The following TSHZ2 variants were observed in gnomAD, a reference collection of about 807,000 sequenced individuals.
TSHZ2 encodes the protein teashirt zinc finger homeobox 2.
TSHZ2 carries 21 observed loss-of-function variants against 74.4 expected under a neutral mutation model. The ratio of observed to expected loss-of-function variants is 0.28; its 90% CI spans 0.20 to 0.41. TSHZ2 has a LOEUF of 0.41. TSHZ2 is among the 10% of genes least tolerant of loss of function. The pLI is 1.00. For synonymous variants in TSHZ2, 540 were observed against 515.3 expected (o/e 1.05, Z -0.65); for missense variants, 1,244 against 1,293.5 (o/e 0.96, Z 0.59).
intron 2 of TSHZ2, among the ~76,000 whole-genome samples, chr20:53,267,087 A>G (rs71356178): frequency 0.11 from 16,488 of 152,180 alleles, 982 homozygotes; most frequent in Middle Eastern, 0.13. Context: ...CTCGATGATG[A>G]TTATATAACC....
At chr20:52,984,228 G>T (rs1281933888) in intron 1 of TSHZ2, among the ~76,000 whole-genome samples, 5 of 152,126 alleles carry the variant, frequency 3.3e-5, no homozygotes, top group Non-Finnish European at 1.5e-5. Flanking sequence ...CGCTGGAACT[G>T]GAGCCTTGCA....
At chr20:53,453,434 A>G (rs772341301) in intron 2 of TSHZ2, among the ~76,000 whole-genome samples, 5 of 152,288 alleles carry the variant, frequency 3.3e-5, no homozygotes, top group South Asian at 2.1e-4. Flanking sequence ...AACAAATTAA[A>G]TGTTTACCTT....
intron 1 of TSHZ2, among the ~76,000 whole-genome samples, chr20:53,144,157 T>C (rs1987481246): frequency 6.6e-6 from 1 of 152,190 alleles, no homozygotes; most frequent in South Asian, 2.1e-4. Flanking sequence ...GGTTTTACAA[T>C]AGTGATGTTA....
chr20:53,401,205 G>A (rs1330337104), intron 2 of TSHZ2: 4 of 152,142 alleles, frequency 2.6e-5, no homozygotes, highest in African/African-American at 9.7e-5. Context: ...ACTGCCCTCA[G>A]GGACCTACAC....
intron 1 of TSHZ2, among the ~76,000 whole-genome samples, chr20:53,172,345 T>A (rs911264392): frequency 4.6e-5 from 7 of 152,254 alleles, no homozygotes; most frequent in Non-Finnish European, 7.3e-5. Flanking sequence ...CAAATCTTCT[T>A]CTAGCTCTTT....
chr20:53,480,610 G>A (rs952926417), intron 2 of TSHZ2, among the ~76,000 whole-genome samples: 4 of 151,910 alleles, frequency 2.6e-5, no homozygotes, highest in South Asian at 2.1e-4. Flanking sequence ...GGTGCAGGAT[G>A]ATGGACAACA....
intron 1 of TSHZ2, among the ~76,000 whole-genome samples, chr20:53,235,316 G>A (rs1233634371): frequency 6.6e-6 from 1 of 151,538 alleles, no homozygotes; most frequent in Non-Finnish European, 1.5e-5. Flanking sequence ...TACAGGCGTG[G>A]ACCACCATAC....
Position 53,369,797 on chromosome 20 carries a change from T to C in TSHZ2, c.*8+113226T>C, listed in dbSNP as rs147403748. 2.3e-3 allele frequency among the ~76,000 whole-genome samples: 354 copies of C among 151,964 alleles called. 2 individuals are homozygous for C. Among genetic ancestry groups the C allele is most frequent in the Middle Eastern group, 0.01 (3 of 294 alleles). ...GCCAGTGTGCAGAGATGAGGGAGAG[T>C]AGAAGAAAGGCAATGAGGTTTTCAA... is the stretch of plus-strand genomic sequence containing the variant. On this transcript the variant is annotated intron_variant, in intron 2 of 2. Coordinates refer to ENST00000371497, the MANE Select transcript of TSHZ2 (RefSeq NM_173485.6).
chr20:53,155,086 G>T (rs1987765087), intron 1 of TSHZ2, among the ~76,000 whole-genome samples: 1 of 141,542 alleles, frequency 7.1e-6, no homozygotes. Context: ...AGTTTTGTCA[G>T]GAACTACATA....
chr20:53,193,625 A>G (rs904576371), intron 1 of TSHZ2, among the ~76,000 whole-genome samples: 65 of 152,272 alleles, frequency 4.3e-4, no homozygotes, highest in African/African-American at 1.6e-3. Context: ...ACTTTTTTCA[A>G]TGGGTTGAAT....
intron 2 of TSHZ2, among the ~76,000 whole-genome samples, chr20:53,315,060 T>C (rs889301675): frequency 2.6e-4 from 39 of 152,252 alleles, no homozygotes; most frequent in African/African-American, 9.2e-4. Flanking sequence ...CTCAAGGAGA[T>C]TCAAAAAAAG....
chr20:53,183,422 G>C (rs538530044), intron 1 of TSHZ2, among the ~76,000 whole-genome samples: 2 of 152,138 alleles, frequency 1.3e-5, no homozygotes, highest in African/African-American at 4.8e-5. Context: ...CTTTGCCTGC[G>C]GTATTTACAG....
intron 2 of TSHZ2, among the ~76,000 whole-genome samples, chr20:53,418,985 A>G (rs944790622): frequency 3.9e-5 from 6 of 152,176 alleles, no homozygotes; most frequent in Non-Finnish European, 7.4e-5. Context: ...TCCTCCACTC[A>G]GCTCCTGTCT....
chr20:53,053,718 C>T (rs1471571917), intron 1 of TSHZ2, among the ~76,000 whole-genome samples: 1 of 152,134 alleles, frequency 6.6e-6, no homozygotes, highest in African/African-American at 2.4e-5. Context: ...ATAGCGCATA[C>T]ATAAAACATT....
At position 52,982,281 on chromosome 20, in the gene TSHZ2, T is replaced by C. The variant is rs1981593896; in HGVS notation, c.40+8948T>C. Among the ~76,000 whole-genome samples the C allele has an allele frequency of 2.6e-5, 4 of 152,280 alleles. No homozygotes were observed. The South Asian group carries it at 8.3e-4, about 32-fold the overall frequency. ...CAGCTCTTCCTGCTTCCAAAGTCCA[T>C]GCATTTAATTTATTATGATCGTTTA... On this transcript the variant is annotated intron_variant, in intron 1 of 2. Transcript: ENST00000371497.
At chr20:53,014,463 T>C (rs894611904) in intron 1 of TSHZ2, among the ~76,000 whole-genome samples, 7 of 152,290 alleles carry the variant, frequency 4.6e-5, no homozygotes, top group Non-Finnish European at 7.4e-5. Flanking sequence ...CACCTATTTA[T>C]GGAGCATTAG....
intron 1 of TSHZ2, among the ~76,000 whole-genome samples, chr20:52,987,241 T>C (rs747705706): frequency 1.3e-5 from 2 of 152,200 alleles, no homozygotes; most frequent in Non-Finnish European, 2.9e-5. Flanking sequence ...TCTCAACCTT[T>C]ATTTGGTATA....
At chr20:53,035,097 G>A (rs1191057897) in intron 1 of TSHZ2, among the ~76,000 whole-genome samples, 1 of 152,196 alleles carries the variant, frequency 6.6e-6, no homozygotes, top group African/African-American at 2.4e-5. Context: ...CAGCACCACA[G>A]GATGTAGTAG....
chr20:53,482,117 A>T (rs1986168317), intron 2 of TSHZ2, among the ~76,000 whole-genome samples: 1 of 147,020 alleles, frequency 6.8e-6, no homozygotes, highest in African/African-American at 2.6e-5. Context: ...ATAAAAAAAA[A>T]AAAAAAAAAA....
Sources: allele counts gnomAD v4.1 joint callset (sites outside exome capture counted in the v4.1 genomes callset), GRCh38; gene constraint gnomAD v4.1.1; transcripts MANE v1.5; gene names NCBI Gene and HGNC (gene_info 2026-07-23, HGNC 2026-07-21).